The following ARMC2 variants were observed in gnomAD, a reference collection of about 807,000 sequenced individuals.
ARMC2 encodes armadillo repeat-containing protein 2.
Under a neutral mutation model 90.3 loss-of-function variants are expected in ARMC2, and 67 were observed. The ratio of observed to expected loss-of-function variants is 0.74; its 90% confidence interval spans 0.61 to 0.91. ARMC2 has a LOEUF of 0.91. Ranked by LOEUF, ARMC2 falls within the 40% of genes least tolerant of loss-of-function variation. The probability of loss-of-function intolerance (pLI) is 0.00; values close to 1 mark genes in which losing one functional copy is unlikely to be tolerated. For synonymous variants in ARMC2, 393 were observed against 393.0 expected (o/e 1.00, Z 0.00); for missense variants, 920 against 1,030.9 (o/e 0.89, Z 1.47).
At chr6:108,896,913 T>A (rs1347990816) in intron 6 of ARMC2, among the ~76,000 whole-genome samples, 1 of 152,256 alleles carries the variant, frequency 6.6e-6, no homozygotes, top group Admixed American at 6.5e-5. Context: ...CTCGCCTGAC[T>A]TATTTTCTGG....
chr6:109,019,796 T>C, the ARMC2 span, among the ~76,000 whole-genome samples: 1 of 152,236 alleles, frequency 6.6e-6, no homozygotes, highest in East Asian at 1.9e-4. Flanking sequence ...GCATTTGCTT[T>C]CTACAATTAG....
chr6:108,978,320 T>C (rs558193338), downstream of ARMC2, among the ~76,000 whole-genome samples: 9 of 152,354 alleles, frequency 5.9e-5, no homozygotes, highest in South Asian at 1.9e-3. Context: ...TGAGTGAGTT[T>C]CTTAGTCCTG....
intron 4 of ARMC2, among the ~76,000 whole-genome samples, chr6:108,870,537 TAGGAAGGA>T (rs200237913): frequency 3.2e-5 from 4 of 123,448 alleles, no homozygotes; most frequent in Admixed American, 1.9e-4. Flanking sequence ...GAAAGGAAGG[TAGGAAGGA>T]AGGAAGGAAG....
intron 5 of ARMC2, 117 bp downstream of exon 5, chr6:108,876,467 T>C (rs1776949735): frequency 2.0e-6 from 2 of 1,012,154 alleles, no homozygotes; most frequent in South Asian, 3.1e-5. Flanking sequence ...GCAAATTTTA[T>C]GTTAAGGGTA....
the ARMC2 span, among the ~76,000 whole-genome samples, chr6:109,022,778 T>A: frequency 6.6e-6 from 1 of 152,124 alleles, no homozygotes; most frequent in Non-Finnish European, 1.5e-5. Context: ...ACATGCTATC[T>A]TCATTTTAGA....
chr6:108,861,103 G>A (rs930396213), intron 3 of ARMC2, among the ~76,000 whole-genome samples: 1 of 152,138 alleles, frequency 6.6e-6, no homozygotes, highest in Non-Finnish European at 1.5e-5. Flanking sequence ...CATGGAGCTG[G>A]GAAGGATGGA....
chr6:108,931,849 T>C (rs1483262355), intron 11 of ARMC2, among the ~76,000 whole-genome samples: 1 of 151,780 alleles, frequency 6.6e-6, no homozygotes, highest in Non-Finnish European at 1.5e-5. Flanking sequence ...CCATAACCTC[T>C]GCCTCCCAGG....
intron 11 of ARMC2, among the ~76,000 whole-genome samples, chr6:108,934,543 T>C (rs1775811846): frequency 6.6e-6 from 1 of 152,210 alleles, no homozygotes; most frequent in Non-Finnish European, 1.5e-5. Flanking sequence ...CAATTTTTTC[T>C]CTTTCCTAGA....
At chr6:108,928,864 G>A (rs1467040882) in intron 11 of ARMC2, among the ~76,000 whole-genome samples, 1 of 152,082 alleles carries the variant, frequency 6.6e-6, no homozygotes, top group African/African-American at 2.4e-5. Context: ...GGGAGCCTGA[G>A]GCTTTTCTTG....
At chr6:109,036,807 G>A in the ARMC2 span, among the ~76,000 whole-genome samples, 3 of 152,132 alleles carry the variant, frequency 2.0e-5, no homozygotes, top group Non-Finnish European at 4.4e-5. Context: ...AGTATCATAT[G>A]TTCACTTACA....
intron 3 of ARMC2, among the ~76,000 whole-genome samples, chr6:108,862,726 C>T (rs973051886): frequency 1.3e-4 from 20 of 152,088 alleles, no homozygotes; most frequent in African/African-American, 3.9e-4. Context: ...GAGTGTCTCA[C>T]AGTTAAGGGA....
At chr6:109,001,346 T>G in the ARMC2 span, 1 of 1,613,776 alleles carries the variant, frequency 6.2e-7, no homozygotes, top group East Asian at 2.2e-5. Context: ...TTGCAGTAGA[T>G]AGTGCTGAGT....
chr6:108,862,661 A>G (rs1446436910), intron 3 of ARMC2, among the ~76,000 whole-genome samples: 1 of 152,064 alleles, frequency 6.6e-6, no homozygotes, highest in East Asian at 1.9e-4. Context: ...AGGGGAAGGG[A>G]GAGGGAGTGG....
the ARMC2 span, chr6:109,002,376 T>G: frequency 1.2e-5 from 18 of 1,527,486 alleles, no homozygotes; most frequent in African/African-American, 1.4e-5. Flanking sequence ...CTCAGGCCTT[T>G]GGCAGTAAAC....
intron 3 of ARMC2, among the ~76,000 whole-genome samples, chr6:108,863,496 G>C (rs1009316342): frequency 6.6e-6 from 1 of 152,140 alleles, no homozygotes; most frequent in African/African-American, 2.4e-5. Context: ...TGAGACCTGG[G>C]GCAGTTGGGT....
chr6:108,885,210 TAA>T (rs1158410749), intron 5 of ARMC2, among the ~76,000 whole-genome samples: 1 of 137,932 alleles, frequency 7.2e-6, no homozygotes, highest in Non-Finnish European at 1.6e-5. Flanking sequence ...TAGTGATTAT[TAA>T]AAAAGGTGCC....
intron 7 of ARMC2, among the ~76,000 whole-genome samples, chr6:108,904,002 A>T (rs1772412915): frequency 6.6e-6 from 1 of 152,242 alleles, no homozygotes; most frequent in Admixed American, 6.5e-5. Context: ...TGTATTCTAG[A>T]TAAGCTAATG....
At chr6:108,857,463 G>C (rs1296215526) in intron 2 of ARMC2, among the ~76,000 whole-genome samples, 1 of 152,140 alleles carries the variant, frequency 6.6e-6, no homozygotes, top group Non-Finnish European at 1.5e-5. Flanking sequence ...TCTGGAAAGA[G>C]TTGTTTCTTC....
the ARMC2 span, among the ~76,000 whole-genome samples, chr6:109,051,342 T>C: frequency 6.6e-6 from 1 of 152,194 alleles, no homozygotes. Flanking sequence ...ACAATAATGG[T>C]GCTACTTCAG....
Sources: gnomAD v4.1 joint callset for allele counts (sites outside exome capture counted in the v4.1 genomes callset) on GRCh38, gnomAD v4.1.1 for gene constraint, MANE v1.5 for transcripts, NCBI Gene and HGNC (gene_info 2026-07-23, HGNC 2026-07-21) for gene names.